Variants in DLGAP2 observed in about 807,000 individuals in gnomAD.
DLGAP2 encodes the protein disks large-associated protein 2.
A neutral mutation model predicts 100.3 loss-of-function variants in DLGAP2; 26 were observed. That is an observed-to-expected ratio of 0.26 (90% CI 0.19 to 0.36). The LOEUF is 0.36. Ranked by LOEUF, DLGAP2 falls within the 10% of genes least tolerant of loss-of-function variation. The pLI is 1.00. For synonymous variants in DLGAP2, 886 were observed against 630.1 expected (o/e 1.41, Z -6.08); for missense variants, 1,858 against 1,453.2 (o/e 1.28, Z -4.53).
chr8:1,630,168 C>G (rs1178249733), intron 7 of DLGAP2, among the ~76,000 whole-genome samples: 3 of 152,048 alleles, frequency 2.0e-5, no homozygotes, highest in Non-Finnish European at 4.4e-5. Context: ...TCAAAATAAT[C>G]CTGGAATGCT....
chr8:980,714 T>C (rs1192945947), intron 2 of DLGAP2, among the ~76,000 whole-genome samples: 3 of 152,032 alleles, frequency 2.0e-5, no homozygotes, highest in African/African-American at 7.2e-5. Context: ...GAAGCTGGGT[T>C]CCGGGAGGAC....
At position 1,102,694 on chromosome 8, in the gene DLGAP2, G is replaced by A. The variant is rs73670439; in HGVS notation, c.74-156157G>A. On this transcript the variant is annotated intron_variant, in intron 2 of 14. Transcript: ENST00000637795. ...AGGGAGCCTGTGAAACTGTGGCCTC[G>A]TGCGTGGGGGGATTTAGGCACCTTT... Among the ~76,000 whole-genome samples, 204 of 152,232 alleles carry A rather than the reference G, an allele frequency of 1.3e-3. 1 individual carries two copies. Among genetic ancestry groups the A allele is most frequent in the African/African-American group, 4.0e-3 (168 of 41,520 alleles).
chr8:1,070,584 C>T (rs1019779863), intron 2 of DLGAP2, among the ~76,000 whole-genome samples: 1 of 152,106 alleles, frequency 6.6e-6, no homozygotes, highest in African/African-American at 2.4e-5. Context: ...ATGTTCCAAA[C>T]AGAAAGACAG....
intron 1 of DLGAP2, among the ~76,000 whole-genome samples, chr8:837,383 G>C (rs1400256897): frequency 6.6e-6 from 1 of 152,180 alleles, no homozygotes; most frequent in Non-Finnish European, 1.5e-5. Flanking sequence ...ATGTTTCATT[G>C]AATTTATTAA....
intron 1 of DLGAP2, among the ~76,000 whole-genome samples, chr8:891,784 G>T (rs372576107): frequency 2.0e-5 from 3 of 152,322 alleles, no homozygotes; most frequent in East Asian, 3.9e-4. Context: ...AGCCCAGGAC[G>T]GGGAGGGCCT....
intron 2 of DLGAP2, among the ~76,000 whole-genome samples, chr8:964,699 C>G (rs994372900): frequency 6.6e-6 from 1 of 152,246 alleles, no homozygotes; most frequent in African/African-American, 2.4e-5. Context: ...TCTGCCCACA[C>G]CCAAGGGGCC....
intron 2 of DLGAP2, among the ~76,000 whole-genome samples, chr8:1,186,631 G>A (rs766527180): frequency 3.3e-5 from 5 of 152,036 alleles, no homozygotes; most frequent in African/African-American, 4.8e-5. Context: ...ACTCCACTCC[G>A]TTGTGAGTAT....
At chr8:1,222,624 C>T (rs978098583) in intron 2 of DLGAP2, among the ~76,000 whole-genome samples, 3 of 150,664 alleles carry the variant, frequency 2.0e-5, no homozygotes, top group African/African-American at 7.3e-5. Context: ...GGGAAGGCTG[C>T]AGGTGGGTGT....
chr8:981,785 G>T (rs753564737), intron 2 of DLGAP2, among the ~76,000 whole-genome samples: 9 of 152,268 alleles, frequency 5.9e-5, no homozygotes, highest in Middle Eastern at 3.4e-3. Context: ...TTGTTGACTT[G>T]TAGAAGTTCT....
At chr8:798,708 C>A in intron 1 of DLGAP2, among the ~76,000 whole-genome samples, 1 of 124,868 alleles carries the variant, frequency 8.0e-6, no homozygotes, top group Non-Finnish European at 1.7e-5. Flanking sequence ...CCCCGTGCCC[C>A]GGCGCTGGCC....
At chr8:1,006,667 C>T (rs1288146578) in intron 2 of DLGAP2, among the ~76,000 whole-genome samples, 1 of 95,940 alleles carries the variant, frequency 1.0e-5, no homozygotes, top group African/African-American at 4.4e-5. Context: ...TCCTTTATCA[C>T]GTCGGGGGCG....
chr8:1,354,421 C>T (rs553897690), intron 3 of DLGAP2, among the ~76,000 whole-genome samples: 1 of 152,088 alleles, frequency 6.6e-6, no homozygotes, highest in Non-Finnish European at 1.5e-5. Context: ...ACTGAGGCAC[C>T]AGAATCACTT....
intron 2 of DLGAP2, among the ~76,000 whole-genome samples, chr8:948,630 C>T (rs914317625): frequency 3.3e-5 from 5 of 152,230 alleles, no homozygotes; most frequent in Admixed American, 2.0e-4. Flanking sequence ...GGCGAGGCTG[C>T]GTTCTCAGAG....
chr8:1,501,281 G>A, intron 3 of DLGAP2, 85 bp from the exon 4 acceptor site: 4 of 1,377,194 alleles, frequency 2.9e-6, no homozygotes, highest in East Asian at 2.5e-5. Flanking sequence ...ACTGTTGAGT[G>A]TGGAGGGTTT....
chr8:1,058,979 G>A (rs1014849531), intron 2 of DLGAP2, among the ~76,000 whole-genome samples: 12 of 152,180 alleles, frequency 7.9e-5, no homozygotes, highest in Non-Finnish European at 1.8e-4. Context: ...TAGCATCTCA[G>A]GGCTGTACCT....
At chr8:1,143,054 G>A (rs1302634206) in intron 2 of DLGAP2, among the ~76,000 whole-genome samples, 1 of 152,208 alleles carries the variant, frequency 6.6e-6, no homozygotes, top group Non-Finnish European at 1.5e-5. Context: ...AGGGGCCTCA[G>A]GGTGTGGGAC....
At chr8:1,099,460 C>G (rs1659775604) in intron 2 of DLGAP2, among the ~76,000 whole-genome samples, 1 of 152,228 alleles carries the variant, frequency 6.6e-6, no homozygotes, top group Non-Finnish European at 1.5e-5. Flanking sequence ...GGCTACGTTG[C>G]TAAGTAAACT....
intron 6 of DLGAP2, among the ~76,000 whole-genome samples, chr8:1,617,531 A>C (rs1797195287): frequency 6.6e-6 from 1 of 152,204 alleles, no homozygotes; most frequent in Non-Finnish European, 1.5e-5. Flanking sequence ...TCTTCGTTTG[A>C]AAAGTGTCTG....
At chr8:746,109 G>T (rs1375032233) in intron 1 of DLGAP2, among the ~76,000 whole-genome samples, 11 of 152,206 alleles carry the variant, frequency 7.2e-5, no homozygotes, top group Non-Finnish European at 1.2e-4. Flanking sequence ...GAAGGCCGGG[G>T]GTGCGTCGCT....
Sources: allele counts gnomAD v4.1 joint callset (sites outside exome capture counted in the v4.1 genomes callset), GRCh38; gene constraint gnomAD v4.1.1; transcripts MANE v1.5; gene names NCBI Gene and HGNC (gene_info 2026-07-23, HGNC 2026-07-21).